The following SLAIN1 variants were observed in gnomAD, a reference collection of about 807,000 sequenced individuals.
The protein encoded by SLAIN1 is SLAIN motif-containing protein 1.
In SLAIN1, 17 loss-of-function variants were observed where a neutral mutation model predicts 55.4. The observed-to-expected ratio is 0.31, with a 90% CI of 0.21 to 0.46. SLAIN1 has a LOEUF of 0.46. Ranked by LOEUF, SLAIN1 falls within the 20% of genes least tolerant of loss-of-function variation. The probability of loss-of-function intolerance (pLI) is 1.00; values close to 1 mark genes in which losing one functional copy is unlikely to be tolerated. For synonymous variants in SLAIN1, 348 were observed against 337.4 expected (o/e 1.03, Z -0.35); for missense variants, 682 against 785.1 (o/e 0.87, Z 1.57).
At chr13:77,705,280 A>G (rs908443122) in intron 1 of SLAIN1, among the ~76,000 whole-genome samples, 2 of 151,910 alleles carry the variant, frequency 1.3e-5, no homozygotes, top group Admixed American at 1.3e-4. Flanking sequence ...ATGTGTATGG[A>G]AAAGAAGGGG....
chr13:77,715,435 T>C (rs1267887665), intron 1 of SLAIN1, among the ~76,000 whole-genome samples: 5 of 152,206 alleles, frequency 3.3e-5, no homozygotes, highest in Non-Finnish European at 7.3e-5. Context: ...ATGCTTTCAT[T>C]TCTCTTGGGT....
chr13:77,757,432 C>CT (rs879582878), intron 5 of SLAIN1, among the ~76,000 whole-genome samples: 185 of 145,834 alleles, frequency 1.3e-3, no homozygotes, highest in Middle Eastern at 3.5e-3. Flanking sequence ...ATCAACATTT[C>CT]TTTTTTTTTT....
At chr13:77,706,198 C>G (rs139784590) in intron 1 of SLAIN1, among the ~76,000 whole-genome samples, 4 of 152,178 alleles carry the variant, frequency 2.6e-5, no homozygotes, top group African/African-American at 7.2e-5. Flanking sequence ...AAGAAGAAAA[C>G]TTAGCTCTCT....
At chr13:77,710,351 A>G (rs1356451538) in intron 1 of SLAIN1, among the ~76,000 whole-genome samples, 1 of 152,196 alleles carries the variant, frequency 6.6e-6, no homozygotes, top group Non-Finnish European at 1.5e-5. Context: ...ATGCAAAGGC[A>G]CATATAGGCT....
chr13:77,735,346 T>G (rs1007504309), intron 2 of SLAIN1, among the ~76,000 whole-genome samples: 1 of 152,168 alleles, frequency 6.6e-6, no homozygotes, highest in African/African-American at 2.4e-5. Context: ...CAATATGTTA[T>G]GGAAAACTGT....
chr13:77,741,239 G>A (rs1873415659), intron 2 of SLAIN1: 1 of 986,572 alleles, frequency 1.0e-6, no homozygotes, highest in South Asian at 4.7e-5. Flanking sequence ...AAGAACTATT[G>A]GTCTTTTAAA....
At chr13:77,731,022 GA>G (rs1451458688) in intron 2 of SLAIN1, among the ~76,000 whole-genome samples, 2 of 152,228 alleles carry the variant, frequency 1.3e-5, no homozygotes, top group Middle Eastern at 3.4e-3. Flanking sequence ...GAAGTGAGGG[GA>G]CAAAAGAAGA....
At chr13:77,720,504 A>G (rs1016422582) in intron 2 of SLAIN1, among the ~76,000 whole-genome samples, 1 of 152,228 alleles carries the variant, frequency 6.6e-6, no homozygotes, top group African/African-American at 2.4e-5. Flanking sequence ...AACGCTGCCC[A>G]TGAAGCTCTT....
intron 4 of SLAIN1, among the ~76,000 whole-genome samples, chr13:77,748,359 AT>A (rs909990896): frequency 1.0e-3 from 148 of 141,074 alleles, no homozygotes; most frequent in African/African-American, 3.0e-3. Flanking sequence ...ATAACATCTT[AT>A]TAAAATTGAG....
intron 1 of SLAIN1, among the ~76,000 whole-genome samples, chr13:77,717,825 G>A (rs1158980149): frequency 6.6e-6 from 1 of 152,122 alleles, no homozygotes; most frequent in Non-Finnish European, 1.5e-5. Flanking sequence ...ACTTTTAAGG[G>A]GTGTGGTTTA....
At chr13:77,728,518 C>T (rs139406184) in intron 2 of SLAIN1, among the ~76,000 whole-genome samples, 2 of 152,240 alleles carry the variant, frequency 1.3e-5, no homozygotes, top group East Asian at 1.9e-4. Flanking sequence ...GCTCATGTTT[C>T]GCTATGACCA....
At chr13:77,739,233 T>C (rs1359252982) in intron 2 of SLAIN1, among the ~76,000 whole-genome samples, 2 of 152,032 alleles carry the variant, frequency 1.3e-5, no homozygotes, top group African/African-American at 2.4e-5. Context: ...ATTAGACTAT[T>C]ATGTGTCTTC....
chr13:77,735,460 A>G (rs978999500), intron 2 of SLAIN1, among the ~76,000 whole-genome samples: 2 of 152,146 alleles, frequency 1.3e-5, no homozygotes, highest in Non-Finnish European at 2.9e-5. Context: ...AACTGGTAAT[A>G]TATGTTAGCC....
At chr13:77,748,816 T>C (rs1874017512) in intron 4 of SLAIN1, among the ~76,000 whole-genome samples, 1 of 152,180 alleles carries the variant, frequency 6.6e-6, no homozygotes, top group African/African-American at 2.4e-5. Context: ...TGTCTAAGGT[T>C]CGGTTTCCCT....
chr13:77,726,519 C>T lies in SLAIN1; in HGVS notation c.766+6848C>T, dbSNP rs553031951. On this transcript the variant is annotated intron_variant, in intron 2 of 6. Coordinates refer to ENST00000418532, the MANE Select transcript of SLAIN1 (RefSeq NM_001242868.2). ...ACGGCTCACTGCAGCCTTGACCTCC[C>T]TGGGCTCAGGTGACCCTCCCACCTT... 2.0e-3 allele frequency among the ~76,000 whole-genome samples: 305 copies of T among 152,162 alleles called. 1 individual carries two copies. The highest frequency in any genetic ancestry group is 7.2e-3 in the African/African-American group (297 of 41,532).
chr13:77,752,837 A>G (rs1293750814), intron 4 of SLAIN1, among the ~76,000 whole-genome samples: 6 of 152,206 alleles, frequency 3.9e-5, no homozygotes, highest in Non-Finnish European at 2.9e-5. Flanking sequence ...TATCCTAGCC[A>G]TGCTGGCAGC....
intron 2 of SLAIN1, among the ~76,000 whole-genome samples, chr13:77,741,870 T>G (rs982684943): frequency 4.6e-5 from 7 of 152,174 alleles, no homozygotes; most frequent in African/African-American, 1.7e-4. Flanking sequence ...CTTTTAATAC[T>G]TGGTTTTTCA....
At chr13:77,713,245 C>T (rs1448203070) in intron 1 of SLAIN1, among the ~76,000 whole-genome samples, 3 of 150,960 alleles carry the variant, frequency 2.0e-5, no homozygotes, top group Admixed American at 6.6e-5. Context: ...ATGCAGCCTA[C>T]TGAATGGGAG....
At chr13:77,732,306 G>A (rs1872910773) in intron 2 of SLAIN1, among the ~76,000 whole-genome samples, 1 of 152,114 alleles carries the variant, frequency 6.6e-6, no homozygotes, top group African/African-American at 2.4e-5. Flanking sequence ...TAAAAATCTA[G>A]TCTGTCCTTT....
Sources: gnomAD v4.1 joint callset for allele counts (sites outside exome capture counted in the v4.1 genomes callset) on GRCh38, gnomAD v4.1.1 for gene constraint, MANE v1.5 for transcripts, NCBI Gene and HGNC (gene_info 2026-07-23, HGNC 2026-07-21) for gene names.